The following SAMD3 variants were observed in gnomAD, a reference collection of about 807,000 sequenced individuals.
SAMD3 encodes the protein sterile alpha motif domain containing 3.
Under a neutral mutation model 58.5 loss-of-function variants are expected in SAMD3, and 63 were observed. The ratio of observed to expected loss-of-function variants is 1.08; its 90% CI spans 0.88 to 1.33. The LOEUF is 1.33. SAMD3 is among the 40% of genes most tolerant of loss of function. The probability of loss-of-function intolerance (pLI) is 0.00; values close to 1 mark genes in which losing one functional copy is unlikely to be tolerated. For synonymous variants in SAMD3, 220 were observed against 210.3 expected, an observed-to-expected ratio of 1.05 and a Z score of -0.40; for missense variants, 604 against 608.4, an observed-to-expected ratio of 0.99 and a Z score of 0.08.
intron 2 of SAMD3, among the ~76,000 whole-genome samples, chr6:130,243,292 C>T (rs989977725): frequency 6.6e-6 from 1 of 152,108 alleles, no homozygotes; most frequent in African/African-American, 2.4e-5. Context: ...AAGCCTGCTC[C>T]CTTCCTCTTC....
chr6:130,199,629 G>C (rs1484254443), intron 5 of SAMD3, among the ~76,000 whole-genome samples: 1 of 152,202 alleles, frequency 6.6e-6, no homozygotes, highest in Non-Finnish European at 1.5e-5. Context: ...CTTGGCAAGA[G>C]TAGCTACTGC....
chr6:130,251,940 T>G (rs1267113532), intron 2 of SAMD3, among the ~76,000 whole-genome samples: 2 of 151,706 alleles, frequency 1.3e-5, no homozygotes, highest in African/African-American at 2.4e-5. Flanking sequence ...TAGCATTGTT[T>G]AAGTCCTCTT....
intron 8 of SAMD3, among the ~76,000 whole-genome samples, chr6:130,165,802 TA>T (rs1790687090): frequency 1.3e-5 from 2 of 152,146 alleles, no homozygotes. Flanking sequence ...AGCATTTCGG[TA>T]AGTATGTTTA....
intron 2 of SAMD3, among the ~76,000 whole-genome samples, chr6:130,264,415 C>A (rs1010018196): frequency 2.0e-5 from 3 of 152,184 alleles, no homozygotes; most frequent in African/African-American, 7.2e-5. Context: ...AATCAGTCAG[C>A]CCTTGTTCAT....
chr6:130,350,231 G>T (rs1777609404), intron 1 of SAMD3, among the ~76,000 whole-genome samples: 1 of 152,128 alleles, frequency 6.6e-6, no homozygotes, highest in Admixed American at 6.6e-5. Context: ...GGGCATTCAG[G>T]CAGGAGAAAG....
chr6:130,358,667 C>G (rs1405132385), intron 1 of SAMD3, among the ~76,000 whole-genome samples: 4 of 151,700 alleles, frequency 2.6e-5, no homozygotes, highest in Non-Finnish European at 5.9e-5. Flanking sequence ...CCTTACTCTT[C>G]AATTTCATTC....
rs138244404 is a variant in SAMD3, at chr6:130,147,347, T to C, written c.1024-1166A>G. Among the ~76,000 whole-genome samples, 1,252 of 152,332 alleles carry C rather than the reference T, an allele frequency of 8.2e-3. 22 individuals are homozygous for C. Among genetic ancestry groups the C allele is most frequent in the African/African-American group, 0.028 (1,181 of 41,578 alleles). On this transcript the variant is annotated intron_variant, in intron 9 of 11. Coordinates refer to ENST00000439090, the MANE Select transcript of SAMD3 (RefSeq NM_001017373.4). ...GAATGCATAAGGCATAGTGGCTTTG[T>C]TACCAGGCAACCCACAGTGGACCAC...
At chr6:130,215,170 T>A (rs948937427) in intron 3 of SAMD3, 25 bp downstream of exon 3, 29 of 1,308,290 alleles carry the variant, frequency 2.2e-5, no homozygotes, top group African/African-American at 2.9e-5. Flanking sequence ...TCAATTAAAA[T>A]TTTTGGAAAG....
intron 2 of SAMD3, among the ~76,000 whole-genome samples, chr6:130,272,056 G>T (rs1003608667): frequency 6.6e-6 from 1 of 152,094 alleles, no homozygotes; most frequent in African/African-American, 2.4e-5. Flanking sequence ...GCATTTTATT[G>T]AGTTTTATGT....
chr6:130,246,306 A>T (rs1321669781), intron 2 of SAMD3, among the ~76,000 whole-genome samples: 1 of 152,248 alleles, frequency 6.6e-6, no homozygotes, highest in South Asian at 2.1e-4. Flanking sequence ...TTTGAAAGCC[A>T]TCTCTAAAAA....
chr6:130,321,420 G>T (rs532797709), intron 1 of SAMD3, among the ~76,000 whole-genome samples: 3 of 152,254 alleles, frequency 2.0e-5, no homozygotes, highest in South Asian at 2.1e-4. Context: ...TGATTCACAG[G>T]CACCCAGTTC....
At chr6:130,324,223 T>C (rs1464220290) in intron 1 of SAMD3, among the ~76,000 whole-genome samples, 2 of 152,354 alleles carry the variant, frequency 1.3e-5, no homozygotes, top group East Asian at 3.9e-4. Context: ...ATAGCAGGCT[T>C]TTTAAATTAG....
intron 2 of SAMD3, among the ~76,000 whole-genome samples, chr6:130,274,228 G>A (rs1774691318): frequency 6.6e-6 from 1 of 152,118 alleles, no homozygotes; most frequent in African/African-American, 2.4e-5. Context: ...GGCTGGTAAG[G>A]TTTCTGATAA....
At chr6:130,296,670 TC>T (rs1395736194) in intron 2 of SAMD3, among the ~76,000 whole-genome samples, 10 of 152,030 alleles carry the variant, frequency 6.6e-5, no homozygotes, top group African/African-American at 2.4e-4. Flanking sequence ...CCATCCCTAG[TC>T]CCTATACAGA....
intron 8 of SAMD3, chr6:130,160,996 A>T (rs939580115): frequency 1.3e-5 from 2 of 152,216 alleles, no homozygotes; most frequent in African/African-American, 4.8e-5. Flanking sequence ...AAAACTAAGC[A>T]ATATATCCCT....
At chr6:130,280,951 A>C (rs1410227496) in intron 2 of SAMD3, among the ~76,000 whole-genome samples, 1 of 152,234 alleles carries the variant, frequency 6.6e-6, no homozygotes, top group Non-Finnish European at 1.5e-5. Flanking sequence ...TGGATGCCTG[A>C]AACCATGGAT....
intron 9 of SAMD3, among the ~76,000 whole-genome samples, chr6:130,149,816 G>A (rs1370685101): frequency 6.6e-6 from 1 of 152,094 alleles, no homozygotes; most frequent in East Asian, 1.9e-4. Flanking sequence ...CCCACGACAT[G>A]CAATCTACTT....
At chr6:130,158,695 TA>T (rs569787424) in intron 8 of SAMD3, among the ~76,000 whole-genome samples, 28 of 152,154 alleles carry the variant, frequency 1.8e-4, no homozygotes, top group African/African-American at 6.7e-4. Flanking sequence ...AGCCATGAAA[TA>T]AAGAAGCAAC....
At chr6:130,237,218 C>T (rs141037188) in intron 2 of SAMD3, among the ~76,000 whole-genome samples, 312 of 152,076 alleles carry the variant, frequency 2.1e-3, no homozygotes, top group African/African-American at 6.6e-3. Context: ...GGTAGTGAGG[C>T]GCTACTATTC....
Sources: gnomAD v4.1 joint callset for allele counts (sites outside exome capture counted in the v4.1 genomes callset) on GRCh38, gnomAD v4.1.1 for gene constraint, MANE v1.5 for transcripts, NCBI Gene and HGNC (gene_info 2026-07-23, HGNC 2026-07-21) for gene names.